Variants in NTM observed in about 807,000 individuals in gnomAD.
NTM encodes the protein IgLON family member 2.
A neutral mutation model predicts 42.1 loss-of-function variants in NTM; 13 were observed. That is an observed-to-expected ratio of 0.31 (90% CI 0.20 to 0.49). The LOEUF (loss-of-function observed/expected upper bound fraction) is 0.49, where lower values mean the gene tolerates loss of function less well. Among genes scored for constraint, NTM ranks in the 20% least tolerant of loss-of-function variants. The pLI is 0.99. For synonymous variants in NTM, 187 were observed against 179.2 expected, an observed-to-expected ratio of 1.04 and a Z score of -0.35; for missense variants, 373 against 452.8, an observed-to-expected ratio of 0.82 and a Z score of 1.60.
chr11:132,100,624 T>C (rs971311180), intron 2 of NTM, among the ~76,000 whole-genome samples: 1 of 152,206 alleles, frequency 6.6e-6, no homozygotes, highest in East Asian at 1.9e-4. Context: ...CGAATGGCCA[T>C]ATTCACAGAA....
At chr11:131,665,940 A>C (rs1056965672) in intron 1 of NTM, among the ~76,000 whole-genome samples, 1 of 152,228 alleles carries the variant, frequency 6.6e-6, no homozygotes, top group African/African-American at 2.4e-5. Context: ...AGGAATAATA[A>C]ATATTTTAAG....
intron 1 of NTM, among the ~76,000 whole-genome samples, chr11:131,745,305 C>T (rs926817025): frequency 3.3e-5 from 5 of 152,112 alleles, no homozygotes; most frequent in Admixed American, 1.3e-4. Flanking sequence ...GAGGCTGAGC[C>T]GGGACAGGTG....
chr11:131,463,938 T>C (rs1398083028), intron 1 of NTM, among the ~76,000 whole-genome samples: 1 of 152,216 alleles, frequency 6.6e-6, no homozygotes, highest in East Asian at 1.9e-4. Flanking sequence ...TTCTGATGAA[T>C]GTGTGAGAAA....
intron 4 of NTM, among the ~76,000 whole-genome samples, chr11:132,297,409 C>T (rs1040869224): frequency 2.6e-5 from 4 of 152,096 alleles, no homozygotes; most frequent in Non-Finnish European, 2.9e-5. Flanking sequence ...GCCTGGCTTC[C>T]CTCCTCCTTC....
At chr11:131,884,479 G>T (rs1390167631) in intron 1 of NTM, among the ~76,000 whole-genome samples, 2 of 152,086 alleles carry the variant, frequency 1.3e-5, no homozygotes, top group South Asian at 2.1e-4. Flanking sequence ...ATATTCCCAG[G>T]TCTCATAGCT....
At chr11:131,582,171 G>A (rs971152208) in intron 1 of NTM, 2 of 152,156 alleles carry the variant, frequency 1.3e-5, no homozygotes, top group Non-Finnish European at 2.9e-5. Flanking sequence ...AATGCAGAAC[G>A]GGCTGCTGCT....
chr11:132,156,927 G>A (rs901052479), intron 3 of NTM, among the ~76,000 whole-genome samples: 2 of 152,198 alleles, frequency 1.3e-5, no homozygotes, highest in Admixed American at 1.3e-4. Context: ...GTGTAAAGAC[G>A]GGAGCAGAGG....
intron 1 of NTM, among the ~76,000 whole-genome samples, chr11:131,880,934 T>C (rs2049372827): frequency 6.6e-6 from 1 of 152,044 alleles, no homozygotes; most frequent in African/African-American, 2.4e-5. Context: ...TAGGGAACAG[T>C]CAGATGCTTA....
At chr11:131,814,783 C>T (rs530167713) in intron 1 of NTM, among the ~76,000 whole-genome samples, 1 of 152,274 alleles carries the variant, frequency 6.6e-6, no homozygotes, top group Admixed American at 6.5e-5. Flanking sequence ...AGCTGCTTTT[C>T]ATTCGTGTTG....
At chr11:131,588,492 G>T (rs952664845) in intron 1 of NTM, among the ~76,000 whole-genome samples, 8 of 152,228 alleles carry the variant, frequency 5.3e-5, no homozygotes, top group Non-Finnish European at 1.0e-4. Context: ...TTGAATTAAG[G>T]AATGGGGATA....
chr11:132,283,133 C>A (rs561252009), intron 4 of NTM, among the ~76,000 whole-genome samples: 2 of 151,630 alleles, frequency 1.3e-5, no homozygotes, highest in Non-Finnish European at 2.9e-5. Context: ...ACTACAGGCA[C>A]GTGCCACCAT....
chr11:132,135,303 T>G (rs1033402522), intron 2 of NTM, among the ~76,000 whole-genome samples: 1 of 152,210 alleles, frequency 6.6e-6, no homozygotes, highest in Non-Finnish European at 1.5e-5. Context: ...CCTCCATCTT[T>G]CTAGCACCTT....
intron 1 of NTM, among the ~76,000 whole-genome samples, chr11:131,583,069 G>A (rs1296677255): frequency 6.6e-6 from 1 of 152,182 alleles, no homozygotes; most frequent in Admixed American, 6.5e-5. Context: ...TCTCTTTGAT[G>A]ATCCAAATGC....
chr11:131,651,487 T>C (rs2066468760), intron 1 of NTM, among the ~76,000 whole-genome samples: 1 of 152,204 alleles, frequency 6.6e-6, no homozygotes, highest in African/African-American at 2.4e-5. Flanking sequence ...GTAGGATTCT[T>C]GGTCATACAT....
chr11:131,933,907 G>T (rs1018315571), intron 2 of NTM, among the ~76,000 whole-genome samples: 1 of 151,044 alleles, frequency 6.6e-6, no homozygotes, highest in African/African-American at 2.5e-5. Context: ...TTTACAAAGT[G>T]CCCTACATAT....
chr11:131,475,342 C>A (rs144869089), intron 1 of NTM, among the ~76,000 whole-genome samples: 51 of 152,020 alleles, frequency 3.4e-4, no homozygotes, highest in African/African-American at 1.2e-3. Flanking sequence ...CATTTTTGTT[C>A]TTGGAGAGGT....
intron 3 of NTM, among the ~76,000 whole-genome samples, chr11:132,188,774 C>T (rs1443680435): frequency 6.6e-6 from 1 of 152,124 alleles, no homozygotes; most frequent in Non-Finnish European, 1.5e-5. Flanking sequence ...GGGCCTGTGT[C>T]TGATTTAAAA....
intron 2 of NTM, among the ~76,000 whole-genome samples, chr11:132,049,991 T>C (rs1364330814): frequency 6.6e-6 from 1 of 152,112 alleles, no homozygotes; most frequent in East Asian, 1.9e-4. Flanking sequence ...GCAGTGTCTC[T>C]CTCCCAGCTT....
In NTM at chr11:132,118,981, G is replaced by A. The variant is rs190381203; in HGVS notation, c.168-27301G>A. On this transcript the variant is annotated intron_variant, in intron 2 of 8. Coordinates refer to ENST00000683400, the MANE Select transcript of NTM (RefSeq NM_001352005.2). ...GAGATAGATAGTGTATAGTAGAAGC[G>A]CCTCTCCCCCCAGCCTGCCACATTC... Among the ~76,000 whole-genome samples, 458 of 152,178 alleles carry A rather than the reference G, an allele frequency of 3.0e-3. 1 individual carries two copies. The highest frequency in any genetic ancestry group is 3.1e-3 in the Non-Finnish European group (213 of 68,000).
Sources: allele counts gnomAD v4.1 joint callset (sites outside exome capture counted in the v4.1 genomes callset), GRCh38; gene constraint gnomAD v4.1.1; transcripts MANE v1.5; gene names NCBI Gene and HGNC (gene_info 2026-07-23, HGNC 2026-07-21).